The following DAG1 variants were observed in gnomAD, a reference collection of about 807,000 sequenced individuals.
DAG1 encodes dystroglycan 1.
A neutral mutation model predicts 46.1 loss-of-function variants in DAG1; 8 were observed. The ratio of observed to expected loss-of-function variants is 0.17; its 90% CI spans 0.10 to 0.31. DAG1 has a LOEUF of 0.31. DAG1 is among the 10% of genes least tolerant of loss of function. The pLI is 1.00. For synonymous variants in DAG1, 495 were observed against 481.8 expected (o/e 1.03, Z -0.36); for missense variants, 1,003 against 1,189.9 (o/e 0.84, Z 2.31).
rs1313104108 is a variant in DAG1 at position 49,489,920 on chromosome 3, G to C, written c.-117+19487G>C. Among the ~76,000 whole-genome samples the C allele has an allele frequency of 2.6e-5, 4 of 152,098 alleles. No individual in the cohort carries two copies. In the East Asian group the frequency reaches 7.7e-4, roughly 29 times the overall value. On this transcript the variant is annotated intron_variant, in intron 1 of 2. Coordinates refer to ENST00000308775, the MANE Select transcript of DAG1 (RefSeq NM_004393.6). Reference sequence around the variant, plus strand: ...TGAGGTAAGTGGGGTGGGGTAGGGGGAGGGTTATATAGCTGTCACAGATTA... The same window carrying C: ...TGAGGTAAGTGGGGTGGGGTAGGGGCAGGGTTATATAGCTGTCACAGATTA...
intron 1 of DAG1, among the ~76,000 whole-genome samples, chr3:49,496,166 T>C (rs1270412443): frequency 6.6e-6 from 1 of 152,018 alleles, no homozygotes; most frequent in Non-Finnish European, 1.5e-5. Flanking sequence ...TGGCAAAATA[T>C]ACATAACATA....
At chr3:49,486,549 CTG>C (rs1172707621) in intron 1 of DAG1, among the ~76,000 whole-genome samples, 2 of 151,488 alleles carry the variant, frequency 1.3e-5, no homozygotes, top group African/African-American at 4.9e-5. Context: ...GAGTCTCACT[CTG>C]GAGTGTAGTG....
intron 2 of DAG1, among the ~76,000 whole-genome samples, chr3:49,528,679 T>G (rs1203096841): frequency 6.6e-6 from 1 of 152,202 alleles, no homozygotes; most frequent in African/African-American, 2.4e-5. Context: ...TACAGATGTT[T>G]TAACATTTCT....
At chr3:49,512,358 A>G (rs2050783965) in intron 2 of DAG1, among the ~76,000 whole-genome samples, 1 of 151,952 alleles carries the variant, frequency 6.6e-6, no homozygotes, top group South Asian at 2.1e-4. Flanking sequence ...GCACGTCACC[A>G]CGCCCAGCTA....
At chr3:49,497,436 CAAAAAAAAA>C (rs11391817) in intron 1 of DAG1, among the ~76,000 whole-genome samples, 9 of 128,598 alleles carry the variant, frequency 7.0e-5, no homozygotes, top group Non-Finnish European at 1.2e-4. Context: ...GACTCCGTCT[CAAAAAAAAA>C]AAAAAAAAAA....
chr3:49,484,515 C>G (rs1022150626), intron 1 of DAG1, among the ~76,000 whole-genome samples: 1 of 152,138 alleles, frequency 6.6e-6, no homozygotes, highest in African/African-American at 2.4e-5. Context: ...CCTTTTGATT[C>G]TAATAGCTGA....
intron 1 of DAG1, among the ~76,000 whole-genome samples, chr3:49,483,142 C>T (rs184834830): frequency 1.3e-5 from 2 of 151,812 alleles, no homozygotes; most frequent in African/African-American, 2.4e-5. Flanking sequence ...TTCCATAAAA[C>T]ATGCATGTGA....
intron 1 of DAG1, among the ~76,000 whole-genome samples, chr3:49,490,100 TC>T (rs2050142359): frequency 6.6e-6 from 1 of 152,270 alleles, no homozygotes; most frequent in African/African-American, 2.4e-5. Flanking sequence ...ACGCCTGTAA[TC>T]CCAGCACTTT....
Position 49,532,992 on chromosome 3 carries a change from C to T in DAG1, c.2481C>T (p.Pro827=), listed in dbSNP as rs1328445862. Residue 827 remains proline (P), a synonymous_variant, in exon 3 of 3, where the codon CCC becomes CCT. Coordinates refer to ENST00000308775, the MANE Select transcript of DAG1 (RefSeq NM_004393.6). The surrounding 1 kb of genome is among the most constrained non-coding windows in gnomAD (Gnocchi z 5.4). ...TGCAGGAGGAGAAGGCTCCCCTACC[C>T]CCTCCTGAGTACCCCAACCAGAGTG... ...LILQEEKAPL[P]PPEYPNQSVP... 6.2e-7 allele frequency: 1 copy of T among 1,614,120 alleles called. No individual in the cohort carries two copies.
intron 2 of DAG1, among the ~76,000 whole-genome samples, chr3:49,527,455 G>GAGCTTGCAGTGAGCCGA (rs2051208333): frequency 6.6e-6 from 1 of 151,862 alleles, no homozygotes; most frequent in Non-Finnish European, 1.5e-5. Context: ...CCGGGAGGCG[G>GAGCTTGCAGTGAGCCGA]AGCTTGCAGT....
At chr3:49,487,711 T>G (rs1228412237) in intron 1 of DAG1, among the ~76,000 whole-genome samples, 2 of 148,686 alleles carry the variant, frequency 1.3e-5, no homozygotes, top group Non-Finnish European at 3.0e-5. Flanking sequence ...TTTTTTTTTT[T>G]TTGTTTGAGA....
At chr3:49,486,309 C>T (rs548538330) in intron 1 of DAG1, among the ~76,000 whole-genome samples, 33 of 152,066 alleles carry the variant, frequency 2.2e-4, no homozygotes, top group Non-Finnish European at 4.7e-4. Context: ...AGCTCCGCCT[C>T]CCAGGTTCAC....
Position 49,522,503 on chromosome 3 carries a change from G to A in DAG1, c.286-8294G>A, listed in dbSNP as rs117563827. Among the ~76,000 whole-genome samples the A allele has an allele frequency of 9.5e-4, 118 of 123,726 alleles. 2 individuals are homozygous for A. The East Asian group carries it at 0.012, about 13-fold the overall frequency. The allele number at this position is 123,726 out of a possible 152,430, so 81.2% of individuals were successfully genotyped here. A position where few individuals can be genotyped will look rare whatever the true frequency, so the allele number is the denominator to read the frequency against. On this transcript the variant is annotated intron_variant, in intron 2 of 2. Transcript: ENST00000308775. ...TTTTTTTTTTTTAAGACTGCATCAT[G>A]GTATGTTGCCCAGGCTGGGCTCAAC...
At chr3:49,505,841 T>TC (rs2050592143) in intron 1 of DAG1, among the ~76,000 whole-genome samples, 1 of 150,524 alleles carries the variant, frequency 6.6e-6, no homozygotes, top group Admixed American at 6.6e-5. Context: ...TTTTGTATTT[T>TC]TTTTTTTTAG....
At chr3:49,486,830 C>T (rs1340919187) in intron 1 of DAG1, among the ~76,000 whole-genome samples, 1 of 152,104 alleles carries the variant, frequency 6.6e-6, no homozygotes, top group African/African-American at 2.4e-5. Context: ...ACGGTGTCTT[C>T]TGGGTATATA....
intron 2 of DAG1, among the ~76,000 whole-genome samples, chr3:49,513,063 C>T (rs2050805463): frequency 6.6e-6 from 1 of 152,132 alleles, no homozygotes; most frequent in Admixed American, 6.6e-5. Flanking sequence ...TGGTTTAACT[C>T]AACCAGCTTG....
Position 49,533,328 on chromosome 3 carries a change from A to G in DAG1, c.*129A>G. On this transcript the variant is annotated 3_prime_UTR_variant, in exon 3 of 3. Coordinates refer to ENST00000308775, the MANE Select transcript of DAG1 (RefSeq NM_004393.6). ...GACACCTGACCTAGCACACACTGAC[A>G]CAGGGGCCTGGACAAGCCCGCCCTC... 1.4e-6 allele frequency: 2 copies of G among 1,403,004 alleles called. No individual in the cohort carries two copies. Among genetic ancestry groups the G allele is most frequent in the Non-Finnish European group, 2.0e-6 (2 of 1,023,732 alleles). The allele number at this position is 1,403,004 out of a possible 1,614,324, so 86.9% of individuals were successfully genotyped here.
chr3:49,533,644 A>G lies in DAG1; in HGVS notation c.*445A>G. Reference sequence around the variant, plus strand: ...GCAGGATGTAACATGGAAAACAGTAACTAAAGATTAAATTCAAAGGACTTT... The same window carrying G: ...GCAGGATGTAACATGGAAAACAGTAGCTAAAGATTAAATTCAAAGGACTTT... On this transcript the variant is annotated 3_prime_UTR_variant, in exon 3 of 3. Transcript: ENST00000308775. 1 of 315,092 alleles carries G rather than the reference A, an allele frequency of 3.2e-6. No homozygotes were observed. The highest frequency in any genetic ancestry group is 6.2e-6 in the Non-Finnish European group (1 of 162,168). 19.5% of individuals were successfully genotyped at this position (315,092 alleles called of 1,614,324 possible). A position where few individuals can be genotyped will look rare whatever the true frequency, so the allele number is the denominator to read the frequency against.
chr3:49,531,987 A>C lies in DAG1; in HGVS notation c.1476A>C (p.Glu492Asp), dbSNP rs1251608960. ...TTTSGVPRGG[E>D]PNQRPELKNH... ...CCAGTGGAGTGCCCCGTGGCGGAGA[A>C]CCCAACCAGCGCCCAGAGCTCAAGA... The change falls in exon 3 of 3, where the codon GAA becomes GAC. Residue 492 changes from glutamate to aspartate, a missense_variant. Physicochemically the swap from Glu to Asp is conservative, Grantham distance 45 (BLOSUM62 2). Coordinates refer to ENST00000308775, the MANE Select transcript of DAG1 (RefSeq NM_004393.6). The surrounding 1 kb of genome is among the most constrained non-coding windows in gnomAD (Gnocchi z 7.0). 1.2e-6 allele frequency: 2 copies of C among 1,614,082 alleles called. No individual in the cohort carries two copies. Among genetic ancestry groups the C allele is most frequent in the Admixed American group, 1.7e-5 (1 of 60,000 alleles).
Sources: allele counts gnomAD v4.1 joint callset (sites outside exome capture counted in the v4.1 genomes callset), GRCh38; gene constraint gnomAD v4.1.1; non-coding constraint Gnocchi (gnomAD v3.1); transcripts MANE v1.5; gene names NCBI Gene and HGNC (gene_info 2026-07-23, HGNC 2026-07-21).